The following RBFOX3 variants were observed in gnomAD, a reference collection of about 807,000 sequenced individuals.
RBFOX3 encodes the protein RNA binding fox-1 homolog 3.
Under a neutral mutation model 48.7 loss-of-function variants are expected in RBFOX3, and 17 were observed. The ratio of observed to expected loss-of-function variants is 0.35; its 90% confidence interval spans 0.24 to 0.52. The LOEUF is 0.52. Among genes scored for constraint, RBFOX3 ranks in the 20% least tolerant of loss-of-function variants. RBFOX3 has a pLI of 0.94. For synonymous variants in RBFOX3, 212 were observed against 209.5 expected, an observed-to-expected ratio of 1.01 and a Z score of -0.10; for missense variants, 382 against 497.5, an observed-to-expected ratio of 0.77 and a Z score of 2.21.
intron 4 of RBFOX3, among the ~76,000 whole-genome samples, chr17:79,177,357 C>G (rs756983929): frequency 3.3e-5 from 5 of 152,248 alleles, no homozygotes; most frequent in Non-Finnish European, 5.9e-5. Flanking sequence ...GCCGTTTGTG[C>G]TTCCCAAGTT....
At chr17:79,659,766 C>A in the RBFOX3 span, among the ~76,000 whole-genome samples, 1 of 152,282 alleles carries the variant, frequency 6.6e-6, no homozygotes, top group African/African-American at 2.4e-5. Context: ...TCAGAGTGGA[C>A]AATCCAGGCA....
intron 1 of RBFOX3, among the ~76,000 whole-genome samples, chr17:79,522,010 T>A (rs1406755667): frequency 6.6e-6 from 1 of 152,156 alleles, no homozygotes; most frequent in African/African-American, 2.4e-5. Context: ...CCGCTGCTGG[T>A]GACAGGCTGA....
the RBFOX3 span, among the ~76,000 whole-genome samples, chr17:79,643,391 T>C: frequency 2.0e-5 from 3 of 152,216 alleles, no homozygotes; most frequent in Admixed American, 2.0e-4. Flanking sequence ...TGACAACTGA[T>C]AGAACAAGTC....
At chr17:79,138,690 G>GTTCAT (rs878955971) in intron 4 of RBFOX3, among the ~76,000 whole-genome samples, 318 of 26,928 alleles carry the variant, frequency 0.012, 2 homozygotes, top group South Asian at 0.06. Flanking sequence ...CCATACACAT[G>GTTCAT]GACACAGCAC....
intron 1 of RBFOX3, among the ~76,000 whole-genome samples, chr17:79,574,329 C>T (rs2092785160): frequency 6.6e-6 from 1 of 152,182 alleles, no homozygotes; most frequent in Non-Finnish European, 1.5e-5. Flanking sequence ...TCAAGTGATA[C>T]AGGTCACAAA....
intron 3 of RBFOX3, among the ~76,000 whole-genome samples, chr17:79,290,733 A>G (rs1318071145): frequency 6.6e-6 from 1 of 152,206 alleles, no homozygotes; most frequent in Non-Finnish European, 1.5e-5. Context: ...ACGGACAGGC[A>G]TAGTTACATA....
chr17:79,255,247 G>GTT (rs2064612969), intron 3 of RBFOX3, among the ~76,000 whole-genome samples: 1 of 150,634 alleles, frequency 6.6e-6, no homozygotes, highest in Non-Finnish European at 1.5e-5. Context: ...GTGTGTGTGT[G>GTT]TGTGTACTGG....
intron 1 of RBFOX3, among the ~76,000 whole-genome samples, chr17:79,500,878 G>A (rs963211521): frequency 7.9e-5 from 12 of 152,188 alleles, no homozygotes; most frequent in Admixed American, 3.9e-4. Context: ...CTAGGGACAC[G>A]TTTGCTTGTG....
intron 4 of RBFOX3, chr17:79,235,516 C>T: frequency 6.5e-6 from 1 of 153,214 alleles, no homozygotes. Flanking sequence ...ATTTCCCTTT[C>T]AGCCCCTCCG....
At chr17:79,589,192 C>T (rs909647086) in intron 1 of RBFOX3, among the ~76,000 whole-genome samples, 1 of 152,226 alleles carries the variant, frequency 6.6e-6, no homozygotes, top group Non-Finnish European at 1.5e-5. Flanking sequence ...CGGCCACAAA[C>T]AACAGCATGA....
intron 4 of RBFOX3, among the ~76,000 whole-genome samples, chr17:79,179,319 C>A: frequency 6.6e-6 from 1 of 152,238 alleles, no homozygotes; most frequent in African/African-American, 2.4e-5. Flanking sequence ...ATCAACAACT[C>A]CAAGAAGCAA....
chr17:79,630,104 A>G, the RBFOX3 span, among the ~76,000 whole-genome samples: 2 of 152,210 alleles, frequency 1.3e-5, no homozygotes, highest in African/African-American at 4.8e-5. Flanking sequence ...AAGGCATGTC[A>G]TGGATCCAGT....
At chr17:79,168,883 A>C (rs2048563484) in intron 4 of RBFOX3, among the ~76,000 whole-genome samples, 1 of 152,330 alleles carries the variant, frequency 6.6e-6, no homozygotes, top group African/African-American at 2.4e-5. Context: ...CTGCAGATGC[A>C]TGCAGGTAGG....
At chr17:79,584,550 ATGTG>A (rs1183852264) in intron 1 of RBFOX3, among the ~76,000 whole-genome samples, 5 of 150,050 alleles carry the variant, frequency 3.3e-5, no homozygotes, top group South Asian at 2.1e-4. Context: ...ATGTGTGTGT[ATGTG>A]TGTGTGTGTG....
intron 4 of RBFOX3, among the ~76,000 whole-genome samples, chr17:79,182,051 G>A (rs1292475582): frequency 6.6e-6 from 1 of 152,124 alleles, no homozygotes; most frequent in Non-Finnish European, 1.5e-5. Flanking sequence ...GCATGGAAGC[G>A]GGGGTGGGGA....
intron 3 of RBFOX3, among the ~76,000 whole-genome samples, chr17:79,291,130 T>A (rs974620109): frequency 2.0e-5 from 3 of 152,180 alleles, no homozygotes; most frequent in African/African-American, 7.2e-5. Flanking sequence ...AGGAAGAAAG[T>A]TATTTAGTGG....
At chr17:79,245,971 G>A (rs894483506) in intron 3 of RBFOX3, among the ~76,000 whole-genome samples, 3 of 151,704 alleles carry the variant, frequency 2.0e-5, no homozygotes, top group South Asian at 2.1e-4. Context: ...TGAGAATCAC[G>A]TCATTGGCCC....
chr17:79,317,764 A>T (rs919367665), intron 2 of RBFOX3, among the ~76,000 whole-genome samples: 12 of 152,146 alleles, frequency 7.9e-5, no homozygotes, highest in Admixed American at 6.5e-4. Context: ...CTTAAAAAAA[A>T]AAAAGTTGCA....
rs138360316 is a variant in RBFOX3, at chr17:79,445,239, G to A, written c.-175+37215C>T. Reference sequence around the variant, plus strand: ...GTAGGTGTGTTCATGGCAGACATATGCTTTCATTTCTCTTATGTATATTAG... The same window carrying A: ...GTAGGTGTGTTCATGGCAGACATATACTTTCATTTCTCTTATGTATATTAG... On this transcript the variant is annotated intron_variant, in intron 2 of 14. Coordinates refer to ENST00000693108, the MANE Select transcript of RBFOX3 (RefSeq NM_001350451.2). Among the ~76,000 whole-genome samples, 723 of 152,280 alleles carry A rather than the reference G, an allele frequency of 4.7e-3. 5 individuals are homozygous for A. The highest frequency in any genetic ancestry group is 0.016 in the African/African-American group (671 of 41,546).
Sources: allele counts gnomAD v4.1 joint callset (sites outside exome capture counted in the v4.1 genomes callset), GRCh38; gene constraint gnomAD v4.1.1; transcripts MANE v1.5; gene names NCBI Gene and HGNC (gene_info 2026-07-23, HGNC 2026-07-21).